The following KIAA0232 variants were observed in gnomAD, a reference collection of about 807,000 sequenced individuals.
KIAA0232 encodes uncharacterized protein KIAA0232.
KIAA0232 carries 27 observed loss-of-function variants against 122.0 expected under a neutral mutation model. The ratio of observed to expected loss-of-function variants is 0.22; its 90% CI spans 0.16 to 0.31. The LOEUF (loss-of-function observed/expected upper bound fraction) is 0.31. Among genes scored for constraint, KIAA0232 ranks in the 10% least tolerant of loss-of-function variants. The probability of loss-of-function intolerance (pLI) is 1.00; values close to 1 mark genes in which losing one functional copy is unlikely to be tolerated. For missense variants in KIAA0232, 1,551 were observed against 1,634.2 expected (o/e 0.95, Z 0.88); for synonymous variants, 613 against 587.6 (o/e 1.04, Z -0.63).
rs1377122005 is a variant in KIAA0232 at position 6,858,519 on chromosome 4, G to T, written c.518+13G>T. On this transcript the variant is annotated intron_variant, in intron 6 of 9. Coordinates refer to ENST00000307659, the MANE Select transcript of KIAA0232 (RefSeq NM_014743.3). ...ATCAAGTGGAAATGTATGTAAGATT[G>T]TATTCGGTAATAAAGTGTGCATTTG... The T allele has an allele frequency of 6.4e-7, 1 of 1,554,752 alleles. No individual in the cohort carries two copies. Among genetic ancestry groups the T allele is most frequent in the Non-Finnish European group, 8.8e-7 (1 of 1,134,162 alleles).
At chr4:6,818,123 C>T (rs1471623461) in intron 2 of KIAA0232, among the ~76,000 whole-genome samples, 1 of 152,112 alleles carries the variant, frequency 6.6e-6, no homozygotes, top group Non-Finnish European at 1.5e-5. Flanking sequence ...CATTCCCAGG[C>T]TGGGTGAAGT....
In KIAA0232 at chr4:6,822,130, C is replaced by T. The variant is rs558201081; in HGVS notation, c.-269-2055C>T. Among the ~76,000 whole-genome samples, 74 of 151,564 alleles carry T rather than the reference C, an allele frequency of 4.9e-4. 1 individual carries two copies. In the South Asian group the frequency reaches 0.011, roughly 23 times the overall value. Reference sequence around the variant, plus strand: ...GAGTGTGTTATTTAATTGACAATATCTCTGGCATCCTGAGATCCAAATGTT... The same window carrying T: ...GAGTGTGTTATTTAATTGACAATATTTCTGGCATCCTGAGATCCAAATGTT... On this transcript the variant is annotated intron_variant, in intron 2 of 9. Coordinates refer to ENST00000307659, the MANE Select transcript of KIAA0232 (RefSeq NM_014743.3).
At chr4:6,860,761 G>A (rs1033178430) in intron 6 of KIAA0232, 140 bp from the exon 7 acceptor site, 4 of 775,392 alleles carry the variant, frequency 5.2e-6, no homozygotes, top group Middle Eastern at 3.0e-4. Flanking sequence ...ATAAATTATT[G>A]TAAAGTTAAT....
chr4:6,816,187 T>C (rs2108996943), intron 2 of KIAA0232, among the ~76,000 whole-genome samples: 1 of 152,278 alleles, frequency 6.6e-6, no homozygotes, highest in East Asian at 1.9e-4. Flanking sequence ...GTTTGATGTA[T>C]ATATTATTGG....
intron 1 of KIAA0232, among the ~76,000 whole-genome samples, chr4:6,795,065 C>CGTTTTGTT (rs1365544727): frequency 4.7e-5 from 7 of 148,168 alleles, no homozygotes; most frequent in African/African-American, 1.6e-4. Flanking sequence ...CCACAAGCCA[C>CGTTTTGTT]ATGTTTTGTT....
At chr4:6,835,717 T>A (rs1719232245) in intron 3 of KIAA0232, among the ~76,000 whole-genome samples, 1 of 152,102 alleles carries the variant, frequency 6.6e-6, no homozygotes, top group Non-Finnish European at 1.5e-5. Flanking sequence ...GAACATGAAG[T>A]GTTTGGTTTT....
At chr4:6,829,657 A>G (rs1177739524) in intron 3 of KIAA0232, among the ~76,000 whole-genome samples, 1 of 152,246 alleles carries the variant, frequency 6.6e-6, no homozygotes, top group African/African-American at 2.4e-5. Flanking sequence ...GGCAGTGTGC[A>G]TTGACTGGTG....
At chr4:6,807,718 G>T (rs1560167174) in intron 2 of KIAA0232, among the ~76,000 whole-genome samples, 1 of 152,184 alleles carries the variant, frequency 6.6e-6, no homozygotes. Context: ...TTTGGAGCCA[G>T]GCTACCTACT....
At chr4:6,859,664 T>G (rs1419528796) in intron 6 of KIAA0232, among the ~76,000 whole-genome samples, 2 of 152,234 alleles carry the variant, frequency 1.3e-5, no homozygotes, top group Non-Finnish European at 2.9e-5. Flanking sequence ...AATATATTTC[T>G]GTTGGTCAAC....
At chr4:6,847,207 ATGTGAC>A (rs1370030299) in intron 4 of KIAA0232, among the ~76,000 whole-genome samples, 5 of 152,220 alleles carry the variant, frequency 3.3e-5, no homozygotes, top group Non-Finnish European at 7.3e-5. Flanking sequence ...CCATGCGTGT[ATGTGAC>A]TGTTATAGTT....
At chr4:6,823,093 A>G (rs930698402) in intron 2 of KIAA0232, among the ~76,000 whole-genome samples, 4 of 151,692 alleles carry the variant, frequency 2.6e-5, no homozygotes, top group African/African-American at 7.3e-5. Flanking sequence ...CCATGTCCCT[A>G]TAAAGGACAT....
At chr4:6,823,469 A>T (rs1443243919) in intron 2 of KIAA0232, among the ~76,000 whole-genome samples, 1 of 152,204 alleles carries the variant, frequency 6.6e-6, no homozygotes, top group African/African-American at 2.4e-5. Context: ...AAAACAGTAT[A>T]GCCTGGCTGT....
chr4:6,862,011 G>T lies in KIAA0232; in HGVS notation c.1629G>T (p.Glu543Asp). The change falls in exon 7 of 10, where the codon GAG (glutamate) becomes GAT (aspartate). Residue 543 changes from glutamate to aspartate, a missense_variant. By Grantham distance (45) the Glu-to-Asp change is conservative (BLOSUM62 2). Around this residue, in one of 5 missense-constraint regions of KIAA0232, gnomAD observed 1,108 missense variants for 1,154.8 expected, o/e 0.96. Coordinates refer to ENST00000307659, the MANE Select transcript of KIAA0232 (RefSeq NM_014743.3). Reference protein sequence around the residue: ...ILNMIRQKSKENTDFEAECCI... With the variant: ...ILNMIRQKSKDNTDFEAECCI... ...ATATGATTCGACAGAAAAGCAAAGA[G>T]AACACAGATTTTGAGGCAGAATGTT... 1 of 1,614,190 alleles carries T rather than the reference G, an allele frequency of 6.2e-7. No individual in the cohort carries two copies. The highest frequency in any genetic ancestry group is 8.5e-7 in the Non-Finnish European group (1 of 1,180,030).
At chr4:6,879,685 G>C (rs999477154) in intron 9 of KIAA0232, among the ~76,000 whole-genome samples, 3 of 152,154 alleles carry the variant, frequency 2.0e-5, no homozygotes, top group Admixed American at 6.5e-5. Flanking sequence ...CTCATGTCCT[G>C]GGGTCCAGAG....
At chr4:6,789,301 T>G (rs953505786) in intron 1 of KIAA0232, among the ~76,000 whole-genome samples, 7 of 148,462 alleles carry the variant, frequency 4.7e-5, no homozygotes, top group African/African-American at 1.7e-4. Context: ...CGAGACTGAG[T>G]TTTACTCTGT....
chr4:6,796,248 T>C (rs1577355390), intron 1 of KIAA0232, among the ~76,000 whole-genome samples: 1 of 145,876 alleles, frequency 6.9e-6, no homozygotes, highest in African/African-American at 2.5e-5. Context: ...TATATTGTTC[T>C]TTTTTTTTTT....
intron 3 of KIAA0232, among the ~76,000 whole-genome samples, chr4:6,840,089 T>A (rs1286433327): frequency 6.6e-6 from 1 of 152,214 alleles, no homozygotes; most frequent in Non-Finnish European, 1.5e-5. Flanking sequence ...GAAGTTGGGC[T>A]GGCCCCTGTT....
At chr4:6,824,071 T>A in intron 2 of KIAA0232, 114 bp from the exon 3 acceptor site, 1 of 398,882 alleles carries the variant, frequency 2.5e-6, no homozygotes, top group Non-Finnish European at 4.4e-6. Context: ...TGTTCTAAGA[T>A]ACCAAAAATA....
intron 9 of KIAA0232, among the ~76,000 whole-genome samples, chr4:6,878,958 C>T (rs1721909073): frequency 6.6e-6 from 1 of 152,136 alleles, no homozygotes. Flanking sequence ...TCACATCATC[C>T]CTCCAGCCTC....
Sources: gnomAD v4.1 joint callset for allele counts (sites outside exome capture counted in the v4.1 genomes callset) on GRCh38, gnomAD v4.1.1 for gene constraint, gnomAD v4.1.1 regional missense constraint, MANE v1.5 for transcripts, NCBI Gene and HGNC (gene_info 2026-07-23, HGNC 2026-07-21) for gene names.